Variants in CTNNA2 observed in about 807,000 individuals in gnomAD.
CTNNA2 encodes catenin alpha-2.
In CTNNA2, 42 loss-of-function variants were observed where a neutral mutation model predicts 101.0. The ratio of observed to expected loss-of-function variants is 0.42; its 90% CI spans 0.32 to 0.54. CTNNA2 has a LOEUF of 0.54. Ranked by LOEUF, CTNNA2 falls within the 20% of genes least tolerant of loss-of-function variation. The pLI, the probability that CTNNA2 is intolerant of heterozygous loss-of-function variation, is 0.14. For synonymous variants in CTNNA2, 450 were observed against 456.4 expected, an observed-to-expected ratio of 0.99 and a Z score of 0.18; for missense variants, 871 against 1,223.1, an observed-to-expected ratio of 0.71 and a Z score of 4.29.
intron 4 of CTNNA2, among the ~76,000 whole-genome samples, chr2:79,410,979 C>G (rs145166218): frequency 0.017 from 2,547 of 152,156 alleles, 88 homozygotes; most frequent in African/African-American, 0.058. Context: ...AATTTCAGAT[C>G]CTGTTATTGG....
intron 3 of CTNNA2, among the ~76,000 whole-genome samples, chr2:79,806,658 C>G (rs1676598622): frequency 6.6e-6 from 1 of 151,940 alleles, no homozygotes; most frequent in African/African-American, 2.4e-5. Context: ...CCCCAGTCTC[C>G]CACGTTTGCC....
At chr2:80,247,728 T>G (rs1671437406) in intron 7 of CTNNA2, among the ~76,000 whole-genome samples, 1 of 152,234 alleles carries the variant, frequency 6.6e-6, no homozygotes, top group Non-Finnish European at 1.5e-5. Context: ...AGATCCCTTC[T>G]GAATGAATTT....
chr2:79,242,842 C>T (rs1413628032), intron 2 of CTNNA2, among the ~76,000 whole-genome samples: 1 of 151,686 alleles, frequency 6.6e-6, no homozygotes, highest in Non-Finnish European at 1.5e-5. Flanking sequence ...ATGGTGTGCA[C>T]CCGTGGCCTC....
Position 80,555,892 on chromosome 2 carries a change from A to G in CTNNA2, c.1740A>G (p.Thr580=), listed in dbSNP as rs1692988158. 1 of 1,540,462 alleles carries G rather than the reference A, an allele frequency of 6.5e-7. No homozygotes were observed. The highest frequency in any genetic ancestry group is 8.8e-7 in the Non-Finnish European group (1 of 1,141,340). The change falls in exon 12 of 19, where the codon ACA becomes ACG. Residue 580 remains threonine, a splice_region_variant and synonymous_variant. Coordinates refer to ENST00000402739, the MANE Select transcript of CTNNA2 (RefSeq NM_001282597.3). ...VLEATKLLSE[T]VMPRFAEQVE... is the part of the protein sequence containing the mutation. ...AAGCTACAAAATTGCTTTCTGAAACAGGTAAGCATGGGTATTGGGTCTGGC... is the reference window on the plus strand; with the variant it reads ...AAGCTACAAAATTGCTTTCTGAAACGGGTAAGCATGGGTATTGGGTCTGGC...
chr2:79,217,819 C>G (rs1316900457), intron 2 of CTNNA2, among the ~76,000 whole-genome samples: 2 of 152,160 alleles, frequency 1.3e-5, no homozygotes, highest in African/African-American at 2.4e-5. Flanking sequence ...TTCTAACATC[C>G]TATCTACCCA....
chr2:79,473,914 A>G (rs1261095049), intron 4 of CTNNA2, among the ~76,000 whole-genome samples: 2 of 152,110 alleles, frequency 1.3e-5, no homozygotes, highest in African/African-American at 4.8e-5. Flanking sequence ...CAACAATTAA[A>G]TTTTATTTCT....
intron 2 of CTNNA2, among the ~76,000 whole-genome samples, chr2:79,719,052 G>A (rs561154529): frequency 2.0e-5 from 3 of 151,920 alleles, no homozygotes; most frequent in Middle Eastern, 6.8e-3. Flanking sequence ...CTTCCTCCTC[G>A]CTCTAGTCGT....
chr2:80,001,193 C>G (rs1174321075), intron 7 of CTNNA2, among the ~76,000 whole-genome samples: 4 of 152,116 alleles, frequency 2.6e-5, no homozygotes, highest in Admixed American at 2.0e-4. Flanking sequence ...TCCCTGGAGT[C>G]TGTGTCACCA....
chr2:80,464,758 C>T (rs1684719254), intron 9 of CTNNA2, among the ~76,000 whole-genome samples: 1 of 152,060 alleles, frequency 6.6e-6, no homozygotes, highest in Admixed American at 6.6e-5. Context: ...GTTTTAAGGA[C>T]TTTATAAGCA....
intron 1 of CTNNA2, among the ~76,000 whole-genome samples, chr2:79,541,784 G>A (rs1016162308): frequency 3.3e-5 from 5 of 151,748 alleles, no homozygotes; most frequent in African/African-American, 7.3e-5. Context: ...GCGCCACCAC[G>A]CCCAACTAAT....
At chr2:79,752,643 C>T (rs1336000986) in intron 3 of CTNNA2, among the ~76,000 whole-genome samples, 1 of 152,114 alleles carries the variant, frequency 6.6e-6, no homozygotes, top group Admixed American at 6.6e-5. Context: ...CTAAGGGCCC[C>T]TTTGTTATTA....
At chr2:79,466,780 C>A (rs1455911417) in intron 4 of CTNNA2, among the ~76,000 whole-genome samples, 3 of 152,196 alleles carry the variant, frequency 2.0e-5, no homozygotes, top group African/African-American at 7.2e-5. Flanking sequence ...CTGGAGTGGA[C>A]CTCCAGCAAG....
chr2:80,376,581 A>G (rs1675975933), intron 7 of CTNNA2, among the ~76,000 whole-genome samples: 1 of 152,174 alleles, frequency 6.6e-6, no homozygotes, highest in Non-Finnish European at 1.5e-5. Flanking sequence ...AAAGAATTGT[A>G]CATTAAAGAA....
chr2:80,444,091 G>A (rs1682854032), intron 9 of CTNNA2, among the ~76,000 whole-genome samples: 1 of 152,182 alleles, frequency 6.6e-6, no homozygotes, highest in African/African-American at 2.4e-5. Flanking sequence ...CTCTCCCATA[G>A]CCTCTCTGAA....
rs78325278 is a variant in CTNNA2 at position 79,223,492 on chromosome 2, T to G, written c.-406+25416T>G. 3.2e-3 allele frequency among the ~76,000 whole-genome samples: 490 copies of G among 152,312 alleles called. 2 individuals carry two copies. Among genetic ancestry groups the G allele is most frequent in the Middle Eastern group, 0.014 (4 of 294 alleles). On this transcript the variant is annotated intron_variant, in intron 2 of 21. Transcript: ENST00000466387. ...GATCTTTAGCAGAGTGGAGACCATG[T>G]TTTCCCAGTTAGACGAAGTAGTTAC... is the stretch of plus-strand genomic sequence containing the variant.
At chr2:79,873,761 G>C (rs369313653) in intron 5 of CTNNA2, among the ~76,000 whole-genome samples, 1 of 151,866 alleles carries the variant, frequency 6.6e-6, no homozygotes, top group African/African-American at 2.4e-5. Context: ...AACTAGCCTG[G>C]TGTGGAAGCA....
chr2:80,623,691 C>A (rs1206115574), intron 18 of CTNNA2, among the ~76,000 whole-genome samples: 1 of 151,834 alleles, frequency 6.6e-6, no homozygotes. Context: ...GCAAAAACTT[C>A]TTGAATCAGG....
At chr2:80,384,634 A>G (rs1321406612) in intron 7 of CTNNA2, among the ~76,000 whole-genome samples, 1 of 151,596 alleles carries the variant, frequency 6.6e-6, no homozygotes, top group African/African-American at 2.4e-5. Flanking sequence ...GATTTGAGGA[A>G]CAGTATGAAT....
chr2:79,262,425 T>C (rs566713635), intron 2 of CTNNA2, among the ~76,000 whole-genome samples: 21 of 151,418 alleles, frequency 1.4e-4, no homozygotes, highest in Non-Finnish European at 2.8e-4. Flanking sequence ...GACAGAAAAA[T>C]AGAAAAATAA....
Sources: allele counts gnomAD v4.1 joint callset (sites outside exome capture counted in the v4.1 genomes callset), GRCh38; gene constraint gnomAD v4.1.1; transcripts MANE v1.5; gene names NCBI Gene and HGNC (gene_info 2026-07-23, HGNC 2026-07-21).